The following TIE1 variants were observed in gnomAD, a reference collection of about 807,000 sequenced individuals.
TIE1 encodes the protein tyrosine kinase with immunoglobulin like and EGF like domains 1.
A neutral mutation model predicts 130.5 loss-of-function variants in TIE1; 89 were observed. That is an observed-to-expected ratio of 0.68 (90% confidence interval 0.57 to 0.81). The LOEUF (loss-of-function observed/expected upper bound fraction) is 0.81, where lower values mean the gene tolerates loss of function less well. Ranked by LOEUF, TIE1 falls within the 40% of genes least tolerant of loss-of-function variation. The pLI is 0.00. For synonymous variants in TIE1, 568 were observed against 629.4 expected (o/e 0.90, Z 1.46); for missense variants, 1,392 against 1,559.8 (o/e 0.89, Z 1.81).
In TIE1 at chr1:43,316,923, G is replaced by A. The variant is rs1387237717; in HGVS notation, c.2410-276G>A. ...ACAAGCCCTGGTTCTGCCTTCCAGA[G>A]TCCCGTACACTAGATCCCCTGGCTG... is the stretch of plus-strand genomic sequence containing the variant. On this transcript the variant is annotated intron_variant, in intron 14 of 22. Coordinates refer to ENST00000372476, the MANE Select transcript of TIE1 (RefSeq NM_005424.5). This position sits in a 1 kb window ranked among gnomAD's most constrained non-coding sequence, Gnocchi z 4.4. 6.6e-6 allele frequency among the ~76,000 whole-genome samples: 1 copy of A among 152,144 alleles called. No homozygotes were observed. Among genetic ancestry groups the A allele is most frequent in the African/African-American group, 2.4e-5 (1 of 41,418 alleles).
At position 43,313,555 on chromosome 1, in the gene TIE1, G is replaced by C; in HGVS notation, c.2218+130G>C. 8.0e-7 allele frequency: 1 copy of C among 1,255,092 alleles called. No individual in the cohort carries two copies. The highest frequency in any genetic ancestry group is 1.1e-6 in the Non-Finnish European group (1 of 913,320). The allele number at this position is 1,255,092 out of a possible 1,614,324, so 77.7% of individuals were successfully genotyped here. On this transcript the variant is annotated intron_variant, in intron 13 of 22. Coordinates refer to ENST00000372476, the MANE Select transcript of TIE1 (RefSeq NM_005424.5). The surrounding 1 kb of genome is among the most constrained non-coding windows in gnomAD (Gnocchi z 6.2). The stretch of plus-strand genomic sequence containing the variant: ...CCCTCCTGACAAAGAGTCAGCCCCA[G>C]TCCTGGGGACTCAGCCTTCCATTCT...
Position 43,322,992 on chromosome 1 carries a change from A to C in TIE1, c.*270A>C. The C allele has an allele frequency of 2.1e-6, 1 of 466,062 alleles. No individual in the cohort carries two copies. 28.9% of individuals were successfully genotyped at this position (466,062 alleles called of 1,614,324 possible). A position where few individuals can be genotyped will look rare whatever the true frequency, so the allele number is the denominator to read the frequency against. ...CCCATCCCACTGCTCCCCCAACACA[A>C]ACCCCCACTCCAGCTCCTTCGCTTA... is the stretch of plus-strand genomic sequence containing the variant. On this transcript the variant is annotated 3_prime_UTR_variant, in exon 23 of 23. Coordinates refer to ENST00000372476, the MANE Select transcript of TIE1 (RefSeq NM_005424.5). This position sits in a 1 kb window ranked among gnomAD's most constrained non-coding sequence, Gnocchi z 4.0.
Position 43,318,220 on chromosome 1 carries a change from G to T in TIE1, c.2922+148G>T. The T allele has an allele frequency of 9.7e-7, 1 of 1,026,688 alleles. No homozygotes were observed. The highest frequency in any genetic ancestry group is 1.4e-6 in the Non-Finnish European group (1 of 734,154). The allele number at this position is 1,026,688 out of a possible 1,614,324, so 63.6% of individuals were successfully genotyped here. On this transcript the variant is annotated intron_variant, in intron 17 of 22. Transcript: ENST00000372476. This position sits in a 1 kb window ranked among gnomAD's most constrained non-coding sequence, Gnocchi z 4.4. The stretch of plus-strand genomic sequence containing the variant: ...GGGTGCAAGCACAGCGAGGAGGCAG[G>T]GCCAAGGGGCAGGTCTGGAGGAGGT...
In TIE1 at chr1:43,316,623, C is replaced by G. The variant is rs1646860697; in HGVS notation, c.2410-576C>G. ...GCCAAGTGTGTGGACAGGGTAATCT[C>G]TGCTTCTGCTACTGTGGAGAAAACC... is the stretch of plus-strand genomic sequence containing the variant. On this transcript the variant is annotated intron_variant, in intron 14 of 22. Coordinates refer to ENST00000372476, the MANE Select transcript of TIE1 (RefSeq NM_005424.5). This position sits in a 1 kb window ranked among gnomAD's most constrained non-coding sequence, Gnocchi z 4.4. 6.6e-6 allele frequency among the ~76,000 whole-genome samples: 1 copy of G among 152,172 alleles called. No homozygotes were observed. The highest frequency in any genetic ancestry group is 2.4e-5 in the African/African-American group (1 of 41,432).
At position 43,322,876 on chromosome 1, in the gene TIE1, C is replaced by A; in HGVS notation, c.*154C>A. 1 of 644,192 alleles carries A rather than the reference C, an allele frequency of 1.6e-6. No homozygotes were observed. The allele number at this position is 644,192 out of a possible 1,614,324, so 39.9% of individuals were successfully genotyped here. On this transcript the variant is annotated 3_prime_UTR_variant, in exon 23 of 23. Transcript: ENST00000372476. This position sits in a 1 kb window ranked among gnomAD's most constrained non-coding sequence, Gnocchi z 4.0. ...AAAAGGGATCTGGGGATGGGGTGGG[C>A]TTAGGGGAACTGGGTTCCCATGCTT...
chr1:43,321,177 G>T (rs1646915966), intron 19 of TIE1, 92 bp from the exon 20 acceptor site: 11 of 1,334,806 alleles, frequency 8.2e-6, no homozygotes, highest in Non-Finnish European at 1.1e-5. Flanking sequence ...ATACAGCGGG[G>T]CTGGGAGGCA....
chr1:43,314,543 A>C (rs1018400539), intron 14 of TIE1: 6 of 998,624 alleles, frequency 6.0e-6, no homozygotes, highest in Non-Finnish European at 4.8e-6. Flanking sequence ...GACTTAAGAA[A>C]GGGGCTGGGC....
rs1197623054 is a variant in TIE1, at chr1:43,317,197, A to C, written c.2410-2A>C. The C allele has an allele frequency of 6.2e-7, 1 of 1,613,826 alleles. No homozygotes were observed. Among genetic ancestry groups the C allele is most frequent in the African/African-American group, 1.3e-5 (1 of 74,858 alleles). Reference sequence around the variant, plus strand: ...TCTGCCCTCTTGTCTCATCCTGTGAAGGGCGAGGAGACCATCCTGCAGTTC... The same window carrying C: ...TCTGCCCTCTTGTCTCATCCTGTGACGGGCGAGGAGACCATCCTGCAGTTC... On this transcript the variant is annotated splice_acceptor_variant, in intron 14 of 22. Coordinates refer to ENST00000372476, the MANE Select transcript of TIE1 (RefSeq NM_005424.5). LOFTEE classifies it high-confidence loss of function. The surrounding 1 kb of genome is among the most constrained non-coding windows in gnomAD (Gnocchi z 5.1).
At position 43,306,859 on chromosome 1, in the gene TIE1, G is replaced by A. The variant is rs750506509; in HGVS notation, c.504G>A (p.Leu168=). The A allele has an allele frequency of 6.2e-7, 1 of 1,613,352 alleles. No individual in the cohort carries two copies. The highest frequency in any genetic ancestry group is 8.5e-7 in the Non-Finnish European group (1 of 1,179,696). ...CCCCAGGATCCTACTTCTACACCCT[G>A]GACTGGCATGAAGCCCAGGATGGGC... ...WKSNGSYFYT[L]DWHEAQDGRF... The change falls in exon 4 of 23, where the codon CTG becomes CTA. Residue 168 remains leucine (L), a synonymous_variant. Transcript: ENST00000372476. The surrounding 1 kb of genome is among the most constrained non-coding windows in gnomAD (Gnocchi z 4.9).
intron 19 of TIE1, chr1:43,320,159 CAG>C (rs1646899545): frequency 6.3e-6 from 1 of 157,566 alleles, no homozygotes; most frequent in African/African-American, 2.4e-5. Flanking sequence ...CCCCTGGTCT[CAG>C]GGCTGATGCA....
At position 43,312,606 on chromosome 1, in the gene TIE1, G is replaced by A. The variant is rs1196650756; in HGVS notation, c.1927+5G>A. 1 of 1,591,794 alleles carries A rather than the reference G, an allele frequency of 6.3e-7. No homozygotes were observed. Among genetic ancestry groups the A allele is most frequent in the African/African-American group, 1.3e-5 (1 of 74,708 alleles). ...ACGTGCTTCTGCCCCCCAGTGGTAT[G>A]TGCAAGGCGCAAGGATAGCTGGGGG... On this transcript the variant is annotated splice_donor_5th_base_variant and intron_variant, in intron 12 of 22. Transcript: ENST00000372476. This position sits in a 1 kb window ranked among gnomAD's most constrained non-coding sequence, Gnocchi z 5.6.
At position 43,307,284 on chromosome 1, in the gene TIE1, G is replaced by A. The variant is rs189348530; in HGVS notation, c.772+11G>A. On this transcript the variant is annotated intron_variant, in intron 5 of 22. Coordinates refer to ENST00000372476, the MANE Select transcript of TIE1 (RefSeq NM_005424.5). This position sits in a 1 kb window ranked among gnomAD's most constrained non-coding sequence, Gnocchi z 5.4. ...CCCGCTGTGAACAGGGTAAGGAGGA[G>A]GGGAGCTAGGACCCAGGCAGGAGAG... The A allele has an allele frequency of 7.0e-4, 1,133 of 1,614,030 alleles. 1 individual carries two copies. Among genetic ancestry groups the A allele is most frequent in the Non-Finnish European group, 8.5e-4 (1,008 of 1,179,996 alleles).
chr1:43,305,088 T>C lies in TIE1; in HGVS notation c.296T>C (p.Leu99Pro). 1 of 1,612,676 alleles carries C rather than the reference T, an allele frequency of 6.2e-7. No individual in the cohort carries two copies. Among genetic ancestry groups the C allele is most frequent in the Non-Finnish European group, 8.5e-7 (1 of 1,179,296 alleles). ...CGCGGCTTCTCCAAGCCCTCGGACCTCGTGGGCGTCTTCTCCTGCGTGGGC... is the reference window on the plus strand; with the variant it reads ...CGCGGCTTCTCCAAGCCCTCGGACCCCGTGGGCGTCTTCTCCTGCGTGGGC... ...TLRGFSKPSD[L>P]VGVFSCVGGA... The change falls in exon 2 of 23, where the codon CTC (leucine) becomes CCC (proline). Residue 99 changes from leucine (L) to proline (P), a missense_variant. Physicochemically the swap from Leu to Pro is moderately conservative, Grantham distance 98 (BLOSUM62 -3). This residue lies in a region of TIE1 where 415 missense variants were observed against 424.8 expected (regional missense o/e 0.98). Coordinates refer to ENST00000372476, the MANE Select transcript of TIE1 (RefSeq NM_005424.5).
Position 43,319,309 on chromosome 1 carries a change from C to G in TIE1, c.2997C>G (p.Gly999=). 1.9e-6 allele frequency: 3 copies of G among 1,614,048 alleles called. No homozygotes were observed. Among genetic ancestry groups the G allele is most frequent in the Non-Finnish European group, 2.5e-6 (3 of 1,179,982 alleles). Residue 999 remains glycine (G), a synonymous_variant, in exon 18 of 23, where the codon GGC becomes GGG. Transcript: ENST00000372476. This position sits in a 1 kb window ranked among gnomAD's most constrained non-coding sequence, Gnocchi z 4.7. ...TAGCCTCCAAGATTGCAGACTTCGG[C>G]CTTTCTCGGGGAGAGGAGGTTTATG... is the stretch of plus-strand genomic sequence containing the variant. The part of the protein sequence containing the change: ...ENLASKIADF[G]LSRGEEVYVK...
Position 43,307,367 on chromosome 1 carries a change from C to A in TIE1, c.773-65C>A, listed in dbSNP as rs1439341890. The A allele has an allele frequency of 1.2e-6, 2 of 1,610,910 alleles. No individual in the cohort carries two copies. The highest frequency in any genetic ancestry group is 1.7e-5 in the Admixed American group (1 of 59,912). On this transcript the variant is annotated intron_variant, in intron 5 of 22. Transcript: ENST00000372476. This position sits in a 1 kb window ranked among gnomAD's most constrained non-coding sequence, Gnocchi z 5.4. Reference sequence around the variant, plus strand: ...GTGGGTGGAGCTTGGAGGGTAAGGGCGACAGGCAGGTCCTGGGCCCAGGGG... The same window carrying A: ...GTGGGTGGAGCTTGGAGGGTAAGGGAGACAGGCAGGTCCTGGGCCCAGGGG...
Position 43,306,929 on chromosome 1 carries a change from A to G in TIE1, c.574A>G (p.Ile192Val), listed in dbSNP as rs553346095. 6.2e-7 allele frequency: 1 copy of G among 1,614,062 alleles called. No homozygotes were observed. The highest frequency in any genetic ancestry group is 1.3e-5 in the African/African-American group (1 of 75,058). Residue 192 changes from isoleucine to valine, a missense_variant, in exon 4 of 23, where the codon ATC becomes GTC. This residue lies in a region of TIE1 where 415 missense variants were observed against 424.8 expected (regional missense o/e 0.98). Coordinates refer to ENST00000372476, the MANE Select transcript of TIE1 (RefSeq NM_005424.5). This position sits in a 1 kb window ranked among gnomAD's most constrained non-coding sequence, Gnocchi z 4.9. ...LPNVQPPSSGIYSATYLEASP... is the reference protein window; with the variant it reads ...LPNVQPPSSGVYSATYLEASP... ...AAATGTGCAGCCACCATCGAGCGGC[A>G]TCTACAGTGCCACTTACCTGGAAGC... is the stretch of plus-strand genomic sequence containing the variant.
At chr1:43,302,231 G>T (rs534907441) in intron 1 of TIE1, among the ~76,000 whole-genome samples, 18 of 152,354 alleles carry the variant, frequency 1.2e-4, no homozygotes, top group Non-Finnish European at 2.9e-5. Context: ...CACCTAGTCT[G>T]TACAATGAGA....
Position 43,313,073 on chromosome 1 carries a change from C to A in TIE1, c.1928-62C>A. ...GGAGCACAGCTAGAGCAGATGTGTC[C>A]AGCCCCACAGCTACATAGCCCGGTC... On this transcript the variant is annotated intron_variant, in intron 12 of 22. Coordinates refer to ENST00000372476, the MANE Select transcript of TIE1 (RefSeq NM_005424.5). The surrounding 1 kb of genome is among the most constrained non-coding windows in gnomAD (Gnocchi z 6.2). The A allele has an allele frequency of 1.4e-5, 22 of 1,533,824 alleles. No individual in the cohort carries two copies. Among genetic ancestry groups the A allele is most frequent in the Non-Finnish European group, 1.9e-5 (22 of 1,135,778 alleles).
chr1:43,309,412 G>C lies in TIE1; in HGVS notation c.1213G>C (p.Glu405Gln). The C allele has an allele frequency of 6.2e-7, 1 of 1,605,448 alleles. No homozygotes were observed. The highest frequency in any genetic ancestry group is 2.2e-5 in the East Asian group (1 of 44,878). The change falls in exon 9 of 23, where the codon GAG becomes CAG. Residue 405 changes from glutamate to glutamine, a missense_variant. Glu to Gln is a conservative substitution (Grantham distance 29, BLOSUM62 2). Around this residue, in one of 6 missense-constraint regions of TIE1, gnomAD observed 551 missense variants for 565.5 expected, o/e 0.97. Transcript: ENST00000372476. The surrounding 1 kb of genome is among the most constrained non-coding windows in gnomAD (Gnocchi z 6.3). The stretch of plus-strand genomic sequence containing the variant: ...GTCCACCAAGGCCATTGTGGAGCCA[G>C]AGAAGACCACAGCTGAGTTCGAGGT... ...LLSTKAIVEPEKTTAEFEVPR... is the reference protein window; with the variant it reads ...LLSTKAIVEPQKTTAEFEVPR...
Sources: allele counts gnomAD v4.1 joint callset (sites outside exome capture counted in the v4.1 genomes callset), GRCh38; gene constraint gnomAD v4.1.1; regional missense constraint gnomAD v4.1.1; non-coding constraint Gnocchi (gnomAD v3.1); transcripts MANE v1.5; gene names NCBI Gene and HGNC (gene_info 2026-07-23, HGNC 2026-07-21).